Variants in STARD9 observed in about 807,000 individuals in gnomAD.
STARD9 encodes the protein stAR-related lipid transfer protein 9.
In STARD9, 346 loss-of-function variants were observed where a neutral mutation model predicts 399.8. The observed-to-expected ratio is 0.87, with a 90% CI of 0.79 to 0.95. The LOEUF is 0.95. Among genes scored for constraint, STARD9 ranks in the 40% least tolerant of loss-of-function variants. The probability of loss-of-function intolerance (pLI) is 0.00; values close to 1 mark genes in which losing one functional copy is unlikely to be tolerated. For synonymous variants in STARD9, 2,203 were observed against 2,143.5 expected, an observed-to-expected ratio of 1.03 and a Z score of -0.77; for missense variants, 5,832 against 5,667.5, an observed-to-expected ratio of 1.03 and a Z score of -0.93.
At chr15:42,596,957 CCTT>C (rs1323518858) in intron 3 of STARD9, among the ~76,000 whole-genome samples, 1 of 152,146 alleles carries the variant, frequency 6.6e-6, no homozygotes, top group African/African-American at 2.4e-5. Flanking sequence ...CTTTTGGTAT[CCTT>C]CTAGATAGCA....
intron 26 of STARD9, among the ~76,000 whole-genome samples, chr15:42,715,064 A>G (rs2061325499): frequency 7.1e-6 from 1 of 140,750 alleles, no homozygotes; most frequent in African/African-American, 3.1e-5. Context: ...CAACAGTTGA[A>G]GAGGATGTAT....
At position 42,684,613 on chromosome 15, in the gene STARD9, C is replaced by T. The variant is rs939816309; in HGVS notation, c.3035C>T (p.Pro1012Leu). 2.0e-6 allele frequency: 3 copies of T among 1,537,228 alleles called. No homozygotes were observed. Residue 1012 changes from proline (P) to leucine (L), a missense_variant, in exon 23 of 33, where the codon CCT (proline) becomes CTT (leucine). Around this residue, in one of 2 missense-constraint regions of STARD9, gnomAD observed 5,828 missense variants for 5,651.1 expected, o/e 1.03. Coordinates refer to ENST00000290607, the MANE Select transcript of STARD9 (RefSeq NM_020759.3). ...AKGASCNSLY[P>L]HGPRQTAGHG... ...GGAGCCAGTTGCAATTCCTTGTATC[C>T]TCATGGACCCAGGCAGACTGCTGGG...
At chr15:42,657,423 GGTCA>G (rs941392602) in intron 9 of STARD9, among the ~76,000 whole-genome samples, 22 of 151,198 alleles carry the variant, frequency 1.5e-4, no homozygotes, top group East Asian at 9.7e-4. Context: ...AATGATAAAG[GGTCA>G]GTCAGTACAT....
chr15:42,689,031 C>A lies in STARD9; in HGVS notation c.7453C>A (p.Gln2485Lys), dbSNP rs1331798004. Residue 2485 changes from glutamine to lysine, a missense_variant, in exon 23 of 33, where the codon CAG (glutamine) becomes AAG (lysine). Transcript: ENST00000290607. Reference sequence around the variant, plus strand: ...CAGTTCACTGAACAAGGTCTCTAGCCAGCCTGAAAAGAGGGTCAGCTTCTC... The same window carrying A: ...CAGTTCACTGAACAAGGTCTCTAGCAAGCCTGAAAAGAGGGTCAGCTTCTC... ...RVSSLNKVSS[Q>K]PEKRVSFSLE... 9 of 1,537,306 alleles carry A rather than the reference C, an allele frequency of 5.9e-6. No homozygotes were observed. The highest frequency in any genetic ancestry group is 7.8e-6 in the Non-Finnish European group (9 of 1,146,938).
chr15:42,681,517 T>C lies in STARD9; in HGVS notation c.1970T>C (p.Val657Ala). ...RAQIQQQQSY[V>A]EDLRHQILAE... ...CAGATTCAGCAGCAGCAGAGCTACGTAGAGGATTTGAGGCATCAAATCCTA... is the reference window on the plus strand; with the variant it reads ...CAGATTCAGCAGCAGCAGAGCTACGCAGAGGATTTGAGGCATCAAATCCTA... The change falls in exon 21 of 33, where the codon GTA becomes GCA. Residue 657 changes from valine to alanine, a missense_variant. By Grantham distance (64) the Val-to-Ala change is moderately conservative. Around this residue, in one of 2 missense-constraint regions of STARD9, gnomAD observed 5,828 missense variants for 5,651.1 expected, o/e 1.03. Transcript: ENST00000290607. The C allele has an allele frequency of 6.5e-7, 1 of 1,537,174 alleles. No homozygotes were observed. Among genetic ancestry groups the C allele is most frequent in the Non-Finnish European group, 8.7e-7 (1 of 1,146,862 alleles).
At chr15:42,615,257 C>T (rs2058938786) in intron 3 of STARD9, among the ~76,000 whole-genome samples, 1 of 151,970 alleles carries the variant, frequency 6.6e-6, no homozygotes. Context: ...TGATCCGATG[C>T]CTCCGCCTCC....
intron 23 of STARD9, 24 bp downstream of exon 23, chr15:42,694,366 G>T (rs568687584): frequency 5.0e-5 from 76 of 1,534,552 alleles, no homozygotes; most frequent in Non-Finnish European, 6.2e-5. Context: ...GCCTGGAGTC[G>T]GGAGGGGAAG....
At chr15:42,615,631 A>G (rs1260062907) in intron 3 of STARD9, among the ~76,000 whole-genome samples, 2 of 151,908 alleles carry the variant, frequency 1.3e-5, no homozygotes, top group South Asian at 2.1e-4. Flanking sequence ...TGGGAGGAAC[A>G]AGAAAGGATG....
At chr15:42,695,618 C>A in intron 25 of STARD9, 125 bp from the exon 26 acceptor site, 2 of 1,153,948 alleles carry the variant, frequency 1.7e-6, no homozygotes, top group Admixed American at 5.4e-5. Flanking sequence ...CAGGGAGGCC[C>A]TGGGAGGTGG....
rs1346347469 is a variant in STARD9 at position 42,688,957 on chromosome 15, A to G, written c.7379A>G (p.Glu2460Gly). The G allele has an allele frequency of 6.5e-7, 1 of 1,537,446 alleles. No individual in the cohort carries two copies. Among genetic ancestry groups the G allele is most frequent in the South Asian group, 1.2e-5 (1 of 84,066 alleles). Residue 2460 changes from glutamate (E) to glycine (G), a missense_variant, in exon 23 of 33, where the codon GAA (glutamate) becomes GGA (glycine). By Grantham distance (98) the Glu-to-Gly change is moderately conservative. Transcript: ENST00000290607. ...RITLLGFSTS[E>G]DFASEAEVAV... ...ACCTTGCTGGGTTTCAGTACCAGTG[A>G]AGATTTTGCTTCTGAAGCCGAGGTG...
chr15:42,607,008 C>A (rs747743813), intron 3 of STARD9, among the ~76,000 whole-genome samples: 3 of 149,340 alleles, frequency 2.0e-5, no homozygotes, highest in Non-Finnish European at 4.5e-5. Context: ...AGTGCAGTGG[C>A]GTGATCATAG....
At chr15:42,585,379 C>T in intron 2 of STARD9, 142 bp from the exon 3 acceptor site, 1 of 542,874 alleles carries the variant, frequency 1.8e-6, no homozygotes. Flanking sequence ...AGAAAGATTA[C>T]CTTTTCTTTT....
chr15:42,693,387 A>G lies in STARD9; in HGVS notation c.11809A>G (p.Ser3937Gly). Reference protein sequence around the residue: ...PVEGHQKLDSSPDPVDAPRTP... With the variant: ...PVEGHQKLDSGPDPVDAPRTP... ...TGAAGGCCACCAGAAGCTTGACTCC[A>G]GCCCAGACCCTGTTGATGCCCCAAG... The change falls in exon 23 of 33, where the codon AGC becomes GGC. Residue 3937 changes from serine to glycine, a missense_variant. Around this residue, in one of 2 missense-constraint regions of STARD9, gnomAD observed 5,828 missense variants for 5,651.1 expected, o/e 1.03. Transcript: ENST00000290607. The G allele has an allele frequency of 6.5e-7, 1 of 1,537,166 alleles. No homozygotes were observed. The highest frequency in any genetic ancestry group is 8.7e-7 in the Non-Finnish European group (1 of 1,146,888).
At chr15:42,583,248 G>A (rs1364532092) in intron 1 of STARD9, 98 bp from the exon 2 acceptor site, 2 of 825,280 alleles carry the variant, frequency 2.4e-6, no homozygotes, top group Non-Finnish European at 1.9e-6. Context: ...TAAGGGTACA[G>A]CAGTAGGGAA....
intron 7 of STARD9, among the ~76,000 whole-genome samples, chr15:42,648,681 T>A (rs1279027598): frequency 6.6e-6 from 1 of 152,214 alleles, no homozygotes; most frequent in African/African-American, 2.4e-5. Context: ...TAAAAAATCA[T>A]GCTGGGATTC....
chr15:42,642,250 G>T (rs1446518615), intron 7 of STARD9, among the ~76,000 whole-genome samples: 1 of 152,128 alleles, frequency 6.6e-6, no homozygotes, highest in Non-Finnish European at 1.5e-5. Context: ...TAAAGAACTT[G>T]CAGTTCCAGT....
intron 4 of STARD9, among the ~76,000 whole-genome samples, chr15:42,637,679 A>T: frequency 6.6e-6 from 1 of 152,226 alleles, no homozygotes; most frequent in Middle Eastern, 3.4e-3. Flanking sequence ...TTTCCTTCTT[A>T]TGGTGATACA....
At chr15:42,708,762 C>T (rs1166253125) in intron 26 of STARD9, among the ~76,000 whole-genome samples, 2 of 151,656 alleles carry the variant, frequency 1.3e-5, no homozygotes, top group South Asian at 2.1e-4. Context: ...TGTGAAAACC[C>T]GATCGTCATG....
chr15:42,605,936 C>T (rs1419696435), intron 3 of STARD9, among the ~76,000 whole-genome samples: 3 of 152,186 alleles, frequency 2.0e-5, no homozygotes, highest in Non-Finnish European at 4.4e-5. Context: ...TCCTTTTCTC[C>T]CGCATCAGAG....
Sources: gnomAD v4.1 joint callset for allele counts (sites outside exome capture counted in the v4.1 genomes callset) on GRCh38, gnomAD v4.1.1 for gene constraint, gnomAD v4.1.1 regional missense constraint, MANE v1.5 for transcripts, NCBI Gene and HGNC (gene_info 2026-07-23, HGNC 2026-07-21) for gene names.